The following MRPL37 variants were observed in gnomAD, a reference collection of about 807,000 sequenced individuals.
The protein encoded by MRPL37 is mitochondrial ribosomal protein L37, also known as large ribosomal subunit protein mL37.
MRPL37 carries 34 observed loss-of-function variants against 44.1 expected under a neutral mutation model. The ratio of observed to expected loss-of-function variants is 0.77; its 90% confidence interval spans 0.59 to 1.03. The LOEUF (loss-of-function observed/expected upper bound fraction) is 1.03, where lower values mean the gene tolerates loss of function less well. Ranked by LOEUF, MRPL37 falls within the 50% of genes least tolerant of loss-of-function variation. The probability of loss-of-function intolerance (pLI) is 0.00; values close to 1 mark genes in which losing one functional copy is unlikely to be tolerated. For synonymous variants in MRPL37, 212 were observed against 219.5 expected, an observed-to-expected ratio of 0.97 and a Z score of 0.30; for missense variants, 532 against 543.7, an observed-to-expected ratio of 0.98 and a Z score of 0.21.
chr1:54,205,331 A>G lies in MRPL37; in HGVS notation c.567A>G (p.Lys189=). The change falls in exon 3 of 7, where the codon AAA becomes AAG. Residue 189 remains lysine, a synonymous_variant. Coordinates refer to ENST00000360840, the MANE Select transcript of MRPL37 (RefSeq NM_016491.4). The part of the protein sequence containing the change: ...VIVDNLIQLC[K]SQILKHPSLA... ...TGGACAACCTAATACAGCTGTGTAA[A>G]TCTCAGATTCTCAAGCATCCTTCTC... The G allele has an allele frequency of 6.2e-7, 1 of 1,614,080 alleles. No homozygotes were observed. The highest frequency in any genetic ancestry group is 8.5e-7 in the Non-Finnish European group (1 of 1,180,006).
downstream of MRPL37, among the ~76,000 whole-genome samples, chr1:54,222,029 C>A (rs377431205): frequency 4.6e-5 from 7 of 152,356 alleles, 1 homozygote; most frequent in East Asian, 9.7e-4. Context: ...GCCTACCCAC[C>A]CACAGGTGAC....
At chr1:54,203,936 A>G (rs1570138407) in intron 1 of MRPL37, among the ~76,000 whole-genome samples, 1 of 152,204 alleles carries the variant, frequency 6.6e-6, no homozygotes, top group Admixed American at 6.5e-5. Context: ...ATTATTGCCT[A>G]TTGCTGCTTT....
At chr1:54,211,509 G>T (rs3766460) in intron 4 of MRPL37, among the ~76,000 whole-genome samples, 2 of 149,854 alleles carry the variant, frequency 1.3e-5, no homozygotes. Context: ...TTCTTTCCCT[G>T]AGACAGGGTC....
chr1:54,208,548 CAAAAAAAAA>C (rs57185627), intron 3 of MRPL37, among the ~76,000 whole-genome samples: 3 of 70,954 alleles, frequency 4.2e-5, no homozygotes, highest in East Asian at 5.1e-4. Flanking sequence ...GACTCCGTCT[CAAAAAAAAA>C]AAAAAAAAAA....
At position 54,215,701 on chromosome 1, in the gene MRPL37, T is replaced by C. The variant is rs981134325; in HGVS notation, c.991-440T>C. ...CTCACTGAGTCTCAGTTTCCTCATCTGTCAAATGGGGTGAGAACTGAATGA... is the reference window on the plus strand; with the variant it reads ...CTCACTGAGTCTCAGTTTCCTCATCCGTCAAATGGGGTGAGAACTGAATGA... On this transcript the variant is annotated intron_variant, in intron 5 of 6. Transcript: ENST00000360840. Among the ~76,000 whole-genome samples, 8 of 152,316 alleles carry C rather than the reference T, an allele frequency of 5.3e-5. No individual in the cohort carries two copies. In the East Asian group the frequency reaches 1.4e-3, roughly 26 times the overall value.
At chr1:54,224,930 T>C (rs1644265257), downstream of MRPL37, among the ~76,000 whole-genome samples, 1 of 148,224 alleles carries the variant, frequency 6.7e-6, no homozygotes, top group Admixed American at 6.7e-5. Context: ...CAGTACACCT[T>C]GGAGGTTTAG....
Position 54,212,796 on chromosome 1 carries a change from C to G in MRPL37, c.990+138C>G, listed in dbSNP as rs34189705. 4,104 of 1,233,476 alleles carry G rather than the reference C, an allele frequency of 3.3e-3. 108 individuals carry two copies. In the African/African-American group the frequency reaches 0.055, roughly 17 times the overall value. The allele number at this position is 1,233,476 out of a possible 1,614,324, so 76.4% of individuals were successfully genotyped here. A position where few individuals can be genotyped will look rare whatever the true frequency, so the allele number is the denominator to read the frequency against. ...GAGTTTTAGGGAGGAGTACTTCAGC[C>G]CACCCTGTGGAGATGAGCCAACATC... is the stretch of plus-strand genomic sequence containing the variant. On this transcript the variant is annotated intron_variant, in intron 5 of 6. Coordinates refer to ENST00000360840, the MANE Select transcript of MRPL37 (RefSeq NM_016491.4).
chr1:54,205,086 C>A lies in MRPL37; in HGVS notation c.415C>A (p.Leu139Ile), dbSNP rs186982095. ...AGGCCTTCCCGAGAAAGTGCTTAGCCTTGTTGATGATCCAAGGAACCACAT... is the reference window on the plus strand; with the variant it reads ...AGGCCTTCCCGAGAAAGTGCTTAGCATTGTTGATGATCCAAGGAACCACAT... ...IEGLPEKVLS[L>I]VDDPRNHIEN... Residue 139 changes from leucine (L) to isoleucine (I), a missense_variant, in exon 2 of 7, where the codon CTT (leucine) becomes ATT (isoleucine). Physicochemically the swap from Leu to Ile is conservative, Grantham distance 5. Coordinates refer to ENST00000360840, the MANE Select transcript of MRPL37 (RefSeq NM_016491.4). 6.2e-7 allele frequency: 1 copy of A among 1,614,136 alleles called. No homozygotes were observed. Among genetic ancestry groups the A allele is most frequent in the East Asian group, 2.2e-5 (1 of 44,886 alleles).
At chr1:54,222,812 T>C (rs185241943), downstream of MRPL37, among the ~76,000 whole-genome samples, 11 of 152,270 alleles carry the variant, frequency 7.2e-5, no homozygotes, top group Non-Finnish European at 5.9e-5. Context: ...ATCTCAAATT[T>C]AACTCGCCAG....
rs1255065299 is a variant in MRPL37, at chr1:54,205,069, C to G, written c.398C>G (p.Pro133Arg). The change falls in exon 2 of 7, where the codon CCC (proline) becomes CGC (arginine). Residue 133 changes from proline to arginine, a missense_variant. Pro to Arg is a moderately radical substitution (Grantham distance 103). Coordinates refer to ENST00000360840, the MANE Select transcript of MRPL37 (RefSeq NM_016491.4). ...AAGACCAAGTTAATAGAAGGCCTTC[C>G]CGAGAAAGTGCTTAGCCTTGTTGAT... ...LTKTKLIEGL[P>R]EKVLSLVDDP... is the part of the protein sequence containing the mutation. 3.1e-6 allele frequency: 5 copies of G among 1,613,998 alleles called. No homozygotes were observed. The African/African-American group carries it at 6.7e-5, about 22-fold the overall frequency.
downstream of MRPL37, among the ~76,000 whole-genome samples, chr1:54,219,077 A>C (rs1644216821): frequency 6.6e-6 from 1 of 152,198 alleles, no homozygotes; most frequent in Admixed American, 6.5e-5. Flanking sequence ...AGGCAGCAGC[A>C]GGTGGGGGTG....
downstream of MRPL37, chr1:54,220,791 C>T (rs613158): frequency 0.44 from 208,407 of 471,214 alleles, 47,618 homozygotes; most frequent in East Asian, 0.61. Flanking sequence ...GAGAGTGCTG[C>T]GCCGGGTCAT....
intron 3 of MRPL37, among the ~76,000 whole-genome samples, chr1:54,207,656 G>T (rs1177189755): frequency 1.3e-5 from 2 of 152,188 alleles, no homozygotes; most frequent in African/African-American, 4.8e-5. Flanking sequence ...CACAAGAGTG[G>T]TCTGTGGGGA....
Position 54,218,298 on chromosome 1 carries a change from G to A in MRPL37, c.*49G>A. The A allele has an allele frequency of 4.3e-6, 7 of 1,613,614 alleles. No individual in the cohort carries two copies. Among genetic ancestry groups the A allele is most frequent in the Non-Finnish European group, 5.9e-6 (7 of 1,179,890 alleles). The stretch of plus-strand genomic sequence containing the variant: ...AAACCCCTCTTGCCTCTCTTCCACG[G>A]AAGAGGGCCTGGGCCCCGTGGAGCC... On this transcript the variant is annotated 3_prime_UTR_variant, in exon 7 of 7. Transcript: ENST00000360840.
intron 4 of MRPL37, 108 bp from the exon 5 acceptor site, chr1:54,212,393 G>A: frequency 1.5e-6 from 2 of 1,345,694 alleles, no homozygotes; most frequent in South Asian, 1.4e-5. Flanking sequence ...CCTTTGTTGA[G>A]TCTCTCTGTA....
At chr1:54,225,091 G>C (rs1221861302), downstream of MRPL37, 7 of 1,234,144 alleles carry the variant, frequency 5.7e-6, no homozygotes, top group African/African-American at 1.1e-4. Context: ...ATAGAAAACA[G>C]AGGGCACCAG....
chr1:54,213,346 G>T (rs1199454383), intron 5 of MRPL37, among the ~76,000 whole-genome samples: 2 of 152,216 alleles, frequency 1.3e-5, no homozygotes, highest in Admixed American at 6.5e-5. Context: ...GGGTGTGTTG[G>T]GGGGTAGTTC....
rs966414370 is a variant in MRPL37, at chr1:54,200,241, G to C, written c.-3G>C. ...GTGGAGGTCTTGAGGCTATCAGATC[G>C]GTATGGCATTGGCGTCCGGGCCCGC... On this transcript the variant is annotated 5_prime_UTR_variant, in exon 1 of 7. Transcript: ENST00000360840. 1.9e-6 allele frequency: 3 copies of C among 1,568,930 alleles called. No homozygotes were observed. Among genetic ancestry groups the C allele is most frequent in the South Asian group, 2.3e-5 (2 of 85,600 alleles).
At chr1:54,205,443 C>G (rs535835477) in intron 3 of MRPL37, 33 bp downstream of exon 3, 2 of 1,579,498 alleles carry the variant, frequency 1.3e-6, no homozygotes, top group African/African-American at 1.4e-5. Flanking sequence ...AAGCCTTGGT[C>G]TGTTTTTTTT....
Sources: gnomAD v4.1 joint callset for allele counts (sites outside exome capture counted in the v4.1 genomes callset) on GRCh38, gnomAD v4.1.1 for gene constraint, MANE v1.5 for transcripts, NCBI Gene and HGNC (gene_info 2026-07-23, HGNC 2026-07-21) for gene names.